SDF4: variants seen among roughly 807,000 people sequenced by gnomAD.
SDF4 encodes the protein 45 kDa calcium-binding protein.
SDF4 carries 22 observed loss-of-function variants against 34.2 expected under a neutral mutation model. That is an observed-to-expected ratio of 0.64 (90% CI 0.46 to 0.92). The LOEUF (loss-of-function observed/expected upper bound fraction) is 0.92, where lower values mean the gene tolerates loss of function less well. Ranked by LOEUF, SDF4 falls within the 40% of genes least tolerant of loss-of-function variation. The pLI, the probability that SDF4 is intolerant of heterozygous loss-of-function variation, is 0.00. For synonymous variants in SDF4, 236 were observed against 203.1 expected, an observed-to-expected ratio of 1.16 and a Z score of -1.38; for missense variants, 447 against 499.9, an observed-to-expected ratio of 0.89 and a Z score of 1.01.
At chr1:1,225,496 G>A (rs966085381) in intron 2 of SDF4, among the ~76,000 whole-genome samples, 1 of 152,180 alleles carries the variant, frequency 6.6e-6, no homozygotes, top group African/African-American at 2.4e-5. Flanking sequence ...CCAGGCTGCC[G>A]CTCACACGCG....
At chr1:1,227,988 T>C (rs1638366995) in intron 2 of SDF4, among the ~76,000 whole-genome samples, 1 of 152,150 alleles carries the variant, frequency 6.6e-6, no homozygotes, top group Non-Finnish European at 1.5e-5. Context: ...GCGGCCCGTG[T>C]GTGACAGGGA....
At chr1:1,231,617 G>A (rs1395918180) in intron 1 of SDF4, among the ~76,000 whole-genome samples, 3 of 152,252 alleles carry the variant, frequency 2.0e-5, no homozygotes, top group African/African-American at 7.2e-5. Context: ...GACCCCTTGG[G>A]CCTCCGTTTC....
intron 2 of SDF4, 41 bp downstream of exon 2, chr1:1,228,427 A>G (rs763208459): frequency 3.9e-5 from 59 of 1,505,994 alleles, no homozygotes; most frequent in Admixed American, 3.5e-4. Context: ...AGGCGAGCGC[A>G]CGCGGACAGC....
intron 4 of SDF4, chr1:1,219,534 G>A (rs1048272684): frequency 1.6e-5 from 16 of 991,130 alleles, no homozygotes; most frequent in African/African-American, 5.2e-5. Context: ...GTCACAGGGA[G>A]GAAAACACAG....
rs1190081266 is a variant in SDF4, at chr1:1,218,910, T to C, written c.574A>G (p.Asn192Asp). ...VDEETQEVLE[N>D]LKDRWYQADS... ...GCCTGGTACCAGCGGTCCTTCAGGT[T>C]CTCCAGGACTTCCTGTGCTGAGAGG... The change falls in exon 5 of 7, where the codon AAC becomes GAC. Residue 192 changes from asparagine to aspartate, a missense_variant. By Grantham distance (23) the Asn-to-Asp change is conservative. Transcript: ENST00000360001. This position sits in a 1 kb window ranked among gnomAD's most constrained non-coding sequence, Gnocchi z 7.9. 2.5e-6 allele frequency: 4 copies of C among 1,602,324 alleles called. No homozygotes were observed.
chr1:1,219,437 G>A (rs754840005), intron 4 of SDF4: 31 of 1,015,004 alleles, frequency 3.1e-5, no homozygotes, highest in Non-Finnish European at 3.7e-5. Context: ...CCCCTCTGGA[G>A]GAGCGGAATC....
intron 4 of SDF4, chr1:1,220,569 G>T: frequency 5.5e-6 from 7 of 1,281,308 alleles, no homozygotes; most frequent in Non-Finnish European, 7.1e-6. Flanking sequence ...GGTCGGGGAG[G>T]CCAAGACGGA....
chr1:1,223,433 C>G, intron 3 of SDF4, 76 bp from the exon 4 acceptor site: 1 of 1,084,128 alleles, frequency 9.2e-7, no homozygotes, highest in East Asian at 2.4e-5. Flanking sequence ...TGGGGTCTTG[C>G]TCTGCTGCCC....
At chr1:1,219,419 C>A (rs3737726) in intron 4 of SDF4, 28 of 1,012,746 alleles carry the variant, frequency 2.8e-5, no homozygotes, top group Non-Finnish European at 3.0e-5. Context: ...CCCCCACACC[C>A]GCGCCTGCCC....
intron 2 of SDF4, among the ~76,000 whole-genome samples, 177 bp downstream of exon 2, chr1:1,228,291 C>T (rs932271708): frequency 2.0e-5 from 3 of 152,240 alleles, no homozygotes; most frequent in East Asian, 3.9e-4. Flanking sequence ...GGGCTGCCAG[C>T]GCAGGCCTCC....
rs200838251 is a variant in SDF4 at position 1,217,707 on chromosome 1, C to T, written c.892-19G>A. On this transcript the variant is annotated intron_variant, in intron 6 of 6. Coordinates refer to ENST00000360001, the MANE Select transcript of SDF4 (RefSeq NM_016176.6). This position sits in a 1 kb window ranked among gnomAD's most constrained non-coding sequence, Gnocchi z 8.5. ...TGTAGCTCTGCGGGCGAGCGGGGCA[C>T]AGGTCAGCGTCGCCTTTCCCCCTCC... The T allele has an allele frequency of 6.2e-7, 1 of 1,613,338 alleles. No individual in the cohort carries two copies. Among genetic ancestry groups the T allele is most frequent in the African/African-American group, 1.3e-5 (1 of 75,054 alleles).
At chr1:1,219,977 G>T in intron 4 of SDF4, 2 of 985,670 alleles carry the variant, frequency 2.0e-6, no homozygotes, top group Non-Finnish European at 2.4e-6. Context: ...GAGTGACGGG[G>T]CTGTGGTTCC....
rs978615847 is a variant in SDF4 at position 1,220,049 on chromosome 1, G to A, written c.557-1122C>T. 15 of 985,870 alleles carry A rather than the reference G, an allele frequency of 1.5e-5. No homozygotes were observed. The African/African-American group carries it at 2.6e-4, about 17-fold the overall frequency. 61.1% of individuals were successfully genotyped at this position (985,870 alleles called of 1,614,324 possible). A position where few individuals can be genotyped will look rare whatever the true frequency, so the allele number is the denominator to read the frequency against. Reference sequence around the variant, plus strand: ...TGGGATGGATGGACGGGGCCAAACTGAGACCCATCCAGGAGAGGCACAGAC... The same window carrying A: ...TGGGATGGATGGACGGGGCCAAACTAAGACCCATCCAGGAGAGGCACAGAC... On this transcript the variant is annotated intron_variant, in intron 4 of 6. Transcript: ENST00000360001.
intron 2 of SDF4, among the ~76,000 whole-genome samples, chr1:1,224,774 C>T (rs1338229145): frequency 1.3e-5 from 2 of 152,170 alleles, no homozygotes; most frequent in African/African-American, 2.4e-5. Context: ...ATTCGCCAGG[C>T]GCGGTGGCGT....
At chr1:1,221,884 C>T (rs1430384076) in intron 4 of SDF4, among the ~76,000 whole-genome samples, 1 of 152,028 alleles carries the variant, frequency 6.6e-6, no homozygotes, top group Non-Finnish European at 1.5e-5. Context: ...CTGGAAGGTA[C>T]AGCTGCAGGG....
intron 1 of SDF4, among the ~76,000 whole-genome samples, chr1:1,231,391 C>T (rs1369878088): frequency 6.6e-6 from 1 of 152,258 alleles, no homozygotes. Context: ...CTATTTCTGG[C>T]AGTTAACAAC....
At chr1:1,227,754 G>A (rs1638357539) in intron 2 of SDF4, among the ~76,000 whole-genome samples, 1 of 152,304 alleles carries the variant, frequency 6.6e-6, no homozygotes, top group South Asian at 2.1e-4. Context: ...TGGGTGAGTG[G>A]TCAGGTTGAC....
chr1:1,223,298 T>C lies in SDF4; in HGVS notation c.502A>G (p.Lys168Glu). 2.5e-6 allele frequency: 4 copies of C among 1,614,064 alleles called. No individual in the cohort carries two copies. The South Asian group carries it at 4.4e-5, about 18-fold the overall frequency. ...KFLASKGHSE[K>E]EVADAIRLNE... is the part of the protein sequence containing the mutation. ...AGCCTGATGGCGTCGGCAACCTCCT[T>C]CTCGCTATGGCCTTTACTCGCCAAA... Residue 168 changes from lysine to glutamate, a missense_variant, in exon 4 of 7, where the codon AAG becomes GAG. Lys to Glu is a moderately conservative substitution (Grantham distance 56). Coordinates refer to ENST00000360001, the MANE Select transcript of SDF4 (RefSeq NM_016176.6).
chr1:1,223,720 C>A, intron 3 of SDF4, 112 bp downstream of exon 3: 1 of 1,053,734 alleles, frequency 9.5e-7, no homozygotes, highest in African/African-American at 1.6e-5. Context: ...GCTGACACTT[C>A]CCCACCGCCC....
Sources: allele counts gnomAD v4.1 joint callset (sites outside exome capture counted in the v4.1 genomes callset), GRCh38; gene constraint gnomAD v4.1.1; non-coding constraint Gnocchi (gnomAD v3.1); transcripts MANE v1.5; gene names NCBI Gene and HGNC (gene_info 2026-07-23, HGNC 2026-07-21).